Variants in GP9 observed in about 807,000 individuals in gnomAD.
GP9 encodes the protein glycoprotein IX platelet, also known as platelet glycoprotein IX.
For synonymous variants in GP9, 116 were observed against 116.7 expected (o/e 0.99, Z 0.04); for missense variants, 228 against 241.8 (o/e 0.94, Z 0.38).
upstream of GP9, among the ~76,000 whole-genome samples, chr3:129,058,519 G>C (rs535454546): frequency 6.6e-6 from 1 of 152,150 alleles, no homozygotes; most frequent in Non-Finnish European, 1.5e-5. Context: ...AGATGGGAAC[G>C]AAAGCAACCG....
upstream of GP9, among the ~76,000 whole-genome samples, chr3:129,059,377 C>T (rs747293930): frequency 6.6e-6 from 1 of 152,170 alleles, no homozygotes. Context: ...GAACCCCTTA[C>T]CCACCTGCGT....
At chr3:129,060,915 C>T (rs139487087) in intron 1 of GP9, 65 bp downstream of exon 1, 27 of 152,792 alleles carry the variant, frequency 1.8e-4, no homozygotes, top group African/African-American at 6.5e-4. Flanking sequence ...AGTTCCTGTC[C>T]CTTTAACAAG....
At chr3:129,055,594 A>C in the GP9 span, among the ~76,000 whole-genome samples, 22 of 151,434 alleles carry the variant, frequency 1.5e-4, no homozygotes, top group African/African-American at 5.1e-4. Flanking sequence ...ATCCTCAGAC[A>C]CGAGAAGGTA....
At position 129,062,182 on chromosome 3, in the gene GP9, T is replaced by A. The variant is rs920621129; in HGVS notation, c.443T>A (p.Val148Asp). 1 of 1,573,078 alleles carries A rather than the reference T, an allele frequency of 6.4e-7. No individual in the cohort carries two copies. The change falls in exon 3 of 3, where the codon GTC (valine) becomes GAC (aspartate). Residue 148 changes from valine (V) to aspartate (D), a missense_variant. By Grantham distance (152) the Val-to-Asp change is radical. Coordinates refer to ENST00000307395, the MANE Select transcript of GP9 (RefSeq NM_000174.5). ...CAGGCGTCCTGGGTGCGCCCGGGGG[T>A]CTTGTGGGACGTGGCGCTGGTCGCC... The part of the protein sequence containing the change: ...QLQASWVRPG[V>D]LWDVALVAVA...
In GP9 at chr3:129,061,326, C is replaced by A. The variant is rs956081714; in HGVS notation, c.-138-168C>A. Among the ~76,000 whole-genome samples the A allele has an allele frequency of 4.6e-5, 7 of 152,308 alleles. No homozygotes were observed. The South Asian group carries it at 1.4e-3, about 32-fold the overall frequency. On this transcript the variant is annotated intron_variant, in intron 1 of 2. Transcript: ENST00000307395. ...AGCTGGTGGGGGGTGCTGGGCGCAG[C>A]CTGCAGGGCCCTCCAAGGCTCTTTC...
At chr3:129,060,651 A>G (rs1380443722), upstream of GP9, 1 of 152,398 alleles carries the variant, frequency 6.6e-6, no homozygotes, top group Non-Finnish European at 1.5e-5. Context: ...TTCTGTGCCC[A>G]AGGCGCGGGC....
chr3:129,056,049 T>C (rs1318514337), upstream of GP9, among the ~76,000 whole-genome samples: 1 of 152,204 alleles, frequency 6.6e-6, no homozygotes, highest in Non-Finnish European at 1.5e-5. Context: ...CCTGTCAGGC[T>C]TATCTCACTC....
upstream of GP9, among the ~76,000 whole-genome samples, chr3:129,058,652 C>A (rs1946542692): frequency 6.6e-6 from 1 of 152,236 alleles, no homozygotes; most frequent in Admixed American, 6.5e-5. Flanking sequence ...ACTCACCACC[C>A]CTTTTCTAGA....
At chr3:129,060,459 G>A (rs1358578014), upstream of GP9, among the ~76,000 whole-genome samples, 1 of 152,246 alleles carries the variant, frequency 6.6e-6, no homozygotes, top group African/African-American at 2.4e-5. Flanking sequence ...CTTTACAGAT[G>A]AGGAAAACTG....
upstream of GP9, among the ~76,000 whole-genome samples, chr3:129,058,807 G>A (rs564684286): frequency 6.6e-6 from 1 of 152,362 alleles, no homozygotes; most frequent in Non-Finnish European, 1.5e-5. Flanking sequence ...GCTATGCACT[G>A]CTGCTTCAAT....
At chr3:129,060,726 T>C (rs1230454366), upstream of GP9, 4 of 152,472 alleles carry the variant, frequency 2.6e-5, no homozygotes, top group African/African-American at 9.6e-5. Context: ...AGCCAGGCTA[T>C]TTTCATCACT....
intron 1 of GP9, among the ~76,000 whole-genome samples, 173 bp from the exon 2 acceptor site, chr3:129,061,321 C>T (rs1266353748): frequency 2.0e-5 from 3 of 152,144 alleles, no homozygotes; most frequent in Non-Finnish European, 4.4e-5. Flanking sequence ...GGGTGCTGGG[C>T]GCAGCCTGCA....
upstream of GP9, among the ~76,000 whole-genome samples, chr3:129,058,907 C>T (rs1275307178): frequency 2.0e-5 from 3 of 152,258 alleles, no homozygotes; most frequent in African/African-American, 7.2e-5. Flanking sequence ...TGGGGGCTCA[C>T]CTGCCCTGCA....
upstream of GP9, among the ~76,000 whole-genome samples, chr3:129,059,011 C>T (rs1946547540): frequency 6.6e-6 from 1 of 152,198 alleles, no homozygotes; most frequent in Admixed American, 6.5e-5. Flanking sequence ...AGGCTGTTTA[C>T]AGATCCACTT....
chr3:129,062,319 T>C lies in GP9; in HGVS notation c.*46T>C. ...GGCTCCAGGCCAGGGGGCCAGTCCC[T>C]GAGGCAGGTCCCCAGACTCCACCAA... On this transcript the variant is annotated 3_prime_UTR_variant, in exon 3 of 3. Coordinates refer to ENST00000307395, the MANE Select transcript of GP9 (RefSeq NM_000174.5). 1 of 1,378,194 alleles carries C rather than the reference T, an allele frequency of 7.3e-7. No homozygotes were observed. The highest frequency in any genetic ancestry group is 1.0e-6 in the Non-Finnish European group (1 of 1,003,034). The allele number at this position is 1,378,194 out of a possible 1,614,324, so 85.4% of individuals were successfully genotyped here.
upstream of GP9, among the ~76,000 whole-genome samples, chr3:129,056,075 C>T (rs1946519748): frequency 6.6e-6 from 1 of 152,202 alleles, no homozygotes; most frequent in African/African-American, 2.4e-5. Context: ...TCACAGCAGT[C>T]TGGGAGGTGG....
At chr3:129,059,651 C>T (rs1946554290), upstream of GP9, among the ~76,000 whole-genome samples, 1 of 152,100 alleles carries the variant, frequency 6.6e-6, no homozygotes, top group African/African-American at 2.4e-5. Context: ...GGCCTGGCAG[C>T]CTCTCAGGGC....
chr3:129,055,730 C>T, the GP9 span, among the ~76,000 whole-genome samples: 5 of 151,718 alleles, frequency 3.3e-5, 1 homozygote, highest in South Asian at 1.0e-3. Flanking sequence ...CTGCAACCTG[C>T]GCCTCCCAGG....
upstream of GP9, among the ~76,000 whole-genome samples, chr3:129,057,743 G>C (rs1413733196): frequency 6.6e-6 from 1 of 151,900 alleles, no homozygotes; most frequent in Non-Finnish European, 1.5e-5. Flanking sequence ...TTTTATGGAA[G>C]AGAGAAGCAG....
Sources: allele counts gnomAD v4.1 joint callset (sites outside exome capture counted in the v4.1 genomes callset), GRCh38; gene constraint gnomAD v4.1.1; transcripts MANE v1.5; gene names NCBI Gene and HGNC (gene_info 2026-07-23, HGNC 2026-07-21).